Variants in FDCSP observed in about 807,000 individuals in gnomAD.
FDCSP encodes the protein follicular dendritic cell secreted peptide.
Under a neutral mutation model 8.9 loss-of-function variants are expected in FDCSP, and 8 were observed. That is an observed-to-expected ratio of 0.90 (90% CI 0.53 to 1.63). The LOEUF is 1.63. FDCSP is among the 40% of genes most tolerant of loss of function. FDCSP has a pLI of 0.00. For missense variants in FDCSP, 101 were observed against 103.6 expected (o/e 0.98, Z 0.11); for synonymous variants, 34 against 34.5 (o/e 0.98, Z 0.06).
chr4:70,228,991 A>C (rs1393373516), intron 1 of FDCSP, among the ~76,000 whole-genome samples: 1 of 151,782 alleles, frequency 6.6e-6, no homozygotes, highest in Admixed American at 6.6e-5. Context: ...TCCCTTTAAA[A>C]GAGTCAGCCT....
chr4:70,230,315 A>G (rs1324088466), intron 1 of FDCSP, among the ~76,000 whole-genome samples: 1 of 151,770 alleles, frequency 6.6e-6, no homozygotes. Flanking sequence ...ATTATTTGAA[A>G]TCAAGTAATA....
chr4:70,232,864 A>C (rs956278159), intron 2 of FDCSP, 130 bp from the exon 3 acceptor site: 2 of 811,946 alleles, frequency 2.5e-6, no homozygotes, highest in African/African-American at 3.6e-5. Context: ...ATTTCTAGAC[A>C]AATTATGGGT....
intron 1 of FDCSP, among the ~76,000 whole-genome samples, chr4:70,227,179 A>G (rs2109682845): frequency 6.6e-6 from 1 of 151,782 alleles, no homozygotes; most frequent in South Asian, 2.1e-4. Context: ...GCACATAGAA[A>G]GTGGACTATG....
chr4:70,233,514 A>T (rs537246081), intron 3 of FDCSP, among the ~76,000 whole-genome samples: 5 of 151,836 alleles, frequency 3.3e-5, no homozygotes, highest in Admixed American at 6.6e-5. Flanking sequence ...CCTTGTTTAA[A>T]GGTTTGTTTT....
chr4:70,233,701 A>C (rs1419633766), intron 3 of FDCSP, among the ~76,000 whole-genome samples: 1 of 151,636 alleles, frequency 6.6e-6, no homozygotes, highest in Non-Finnish European at 1.5e-5. Flanking sequence ...TTGGGTAAAG[A>C]CCTTGCATGA....
At chr4:70,231,063 C>T in intron 1 of FDCSP, 132 bp from the exon 2 acceptor site, 1 of 653,798 alleles carries the variant, frequency 1.5e-6, no homozygotes, top group Non-Finnish European at 2.5e-6. Flanking sequence ...CTTGCTCAAA[C>T]TCAAAGAGCT....
chr4:70,234,944 C>T (rs771433407), intron 4 of FDCSP, 141 bp from the exon 5 acceptor site: 4 of 151,554 alleles, frequency 2.6e-5, no homozygotes, highest in African/African-American at 7.3e-5. Flanking sequence ...TTTCTTTCTA[C>T]ATCTTGAGCA....
chr4:70,227,824 T>C (rs1251666491), intron 1 of FDCSP, among the ~76,000 whole-genome samples: 2 of 151,812 alleles, frequency 1.3e-5, no homozygotes, highest in African/African-American at 2.4e-5. Context: ...AATAGCAGTA[T>C]GTCTAGAAAA....
At position 70,235,066 on chromosome 4, in the gene FDCSP, T is replaced by C. The variant is rs1316581124; in HGVS notation, c.*29-19T>C. On this transcript the variant is annotated intron_variant, in intron 4 of 4. Coordinates refer to ENST00000317987, the MANE Select transcript of FDCSP (RefSeq NM_152997.4). ...TGACCCATTGCAATTAATAACCATA[T>C]GTCTGTTATTTATTTCAGGTCACCT... 2 of 151,712 alleles carry C rather than the reference T, an allele frequency of 1.3e-5. No homozygotes were observed. The highest frequency in any genetic ancestry group is 2.9e-5 in the Non-Finnish European group (2 of 67,812). The allele number at this position is 151,712 out of a possible 1,614,324, so 9.4% of individuals were successfully genotyped here.
chr4:70,227,150 C>T (rs776151598), intron 1 of FDCSP, among the ~76,000 whole-genome samples: 4 of 151,760 alleles, frequency 2.6e-5, no homozygotes, highest in Non-Finnish European at 5.9e-5. Context: ...TCCCTGAAAG[C>T]ACCCAGCATT....
intron 1 of FDCSP, 69 bp from the exon 2 acceptor site, chr4:70,231,126 A>G (rs770848029): frequency 9.1e-5 from 115 of 1,266,298 alleles, no homozygotes; most frequent in Non-Finnish European, 1.2e-4. Context: ...ATGGTCTTTT[A>G]GCTGACTTCT....
chr4:70,228,753 G>T (rs774907314), intron 1 of FDCSP, among the ~76,000 whole-genome samples: 1 of 151,628 alleles, frequency 6.6e-6, no homozygotes, highest in Non-Finnish European at 1.5e-5. Flanking sequence ...GAGTTCTTGG[G>T]GGCTCAGGTA....
At chr4:70,233,243 A>T (rs936618564) in intron 3 of FDCSP, among the ~76,000 whole-genome samples, 1 of 151,698 alleles carries the variant, frequency 6.6e-6, no homozygotes, top group Non-Finnish European at 1.5e-5. Context: ...TAAAAATTGG[A>T]TTGAAATCCG....
chr4:70,228,810 G>A lies in FDCSP; in HGVS notation c.1-2385G>A, dbSNP rs374084067. Reference sequence around the variant, plus strand: ...TTTTGAAAAAAACATTTTTTCCTAAGAAGTGAGCTGAAAATATTAGTAAAC... The same window carrying A: ...TTTTGAAAAAAACATTTTTTCCTAAAAAGTGAGCTGAAAATATTAGTAAAC... On this transcript the variant is annotated intron_variant, in intron 1 of 4. Coordinates refer to ENST00000317987, the MANE Select transcript of FDCSP (RefSeq NM_152997.4). 1.1e-4 allele frequency among the ~76,000 whole-genome samples: 16 copies of A among 151,752 alleles called. No homozygotes were observed. In the East Asian group the frequency reaches 2.9e-3, roughly 28 times the overall value.
chr4:70,230,401 AT>A (rs991221058), intron 1 of FDCSP, among the ~76,000 whole-genome samples: 3 of 151,816 alleles, frequency 2.0e-5, no homozygotes, highest in African/African-American at 7.2e-5. Context: ...CCATTATAAA[AT>A]TATTGAATAA....
intron 1 of FDCSP, among the ~76,000 whole-genome samples, chr4:70,228,511 C>A (rs1286938385): frequency 1.3e-5 from 2 of 151,836 alleles, no homozygotes; most frequent in Admixed American, 6.6e-5. Flanking sequence ...CTATGAATCA[C>A]AAATGGTCTT....
At position 70,234,192 on chromosome 4, in the gene FDCSP, G is replaced by A; in HGVS notation, c.*5G>A. On this transcript the variant is annotated 3_prime_UTR_variant, in exon 4 of 5. Coordinates refer to ENST00000317987, the MANE Select transcript of FDCSP (RefSeq NM_152997.4). ...CCCCTTCCTAGCGAAAAGTAAACAA[G>A]AAGGAAAAGTCACGATAAACCTGGT... 2.5e-6 allele frequency: 4 copies of A among 1,606,804 alleles called. No homozygotes were observed. The highest frequency in any genetic ancestry group is 3.4e-6 in the Non-Finnish European group (4 of 1,175,998).
chr4:70,231,230 G>T lies in FDCSP; in HGVS notation c.36G>T (p.Leu12Phe). Residue 12 changes from leucine (L) to phenylalanine (F), a missense_variant, in exon 2 of 5, where the codon TTG becomes TTT. Physicochemically the swap from Leu to Phe is conservative, Grantham distance 22 (BLOSUM62 0). Coordinates refer to ENST00000317987, the MANE Select transcript of FDCSP (RefSeq NM_152997.4). ...TTCTCCTCCTGATCACAGCCATCTT[G>T]GCAGTGGCTGTTGGTTTCCCAGTAA... is the stretch of plus-strand genomic sequence containing the variant. ...KKVLLLITAI[L>F]AVAVGFPVSQ... 1 of 1,602,232 alleles carries T rather than the reference G, an allele frequency of 6.2e-7. No individual in the cohort carries two copies. Among genetic ancestry groups the T allele is most frequent in the South Asian group, 1.1e-5 (1 of 89,438 alleles).
chr4:70,230,670 T>G (rs575185091), intron 1 of FDCSP, among the ~76,000 whole-genome samples: 1 of 151,564 alleles, frequency 6.6e-6, no homozygotes, highest in East Asian at 2.0e-4. Context: ...TTTTTGGGGG[T>G]TGCCTGGAAC....
Sources: allele counts gnomAD v4.1 joint callset (sites outside exome capture counted in the v4.1 genomes callset), GRCh38; gene constraint gnomAD v4.1.1; transcripts MANE v1.5; gene names NCBI Gene and HGNC (gene_info 2026-07-23, HGNC 2026-07-21).